The following SLC1A1 variants were observed in gnomAD, a reference collection of about 807,000 sequenced individuals.
SLC1A1 encodes excitatory amino acid transporter 3.
In SLC1A1, 43 loss-of-function variants were observed where a neutral mutation model predicts 53.3. That is an observed-to-expected ratio of 0.81 (90% CI 0.63 to 1.04). SLC1A1 has a LOEUF of 1.04. Ranked by LOEUF, SLC1A1 falls within the 50% of genes least tolerant of loss-of-function variation. SLC1A1 has a pLI of 0.00. For missense variants in SLC1A1, 748 were observed against 664.9 expected (o/e 1.12, Z -1.37); for synonymous variants, 307 against 243.2 (o/e 1.26, Z -2.44).
At chr9:4,536,378 C>A (rs138672135) in intron 1 of SLC1A1, among the ~76,000 whole-genome samples, 5,135 of 152,090 alleles carry the variant, frequency 0.034, 147 homozygotes, top group South Asian at 0.055. Flanking sequence ...AAAAAGTGGG[C>A]GAAGGATATG....
intron 11 of SLC1A1, among the ~76,000 whole-genome samples, chr9:4,584,592 A>AT: frequency 6.6e-6 from 1 of 152,232 alleles, no homozygotes; most frequent in Admixed American, 6.5e-5. Context: ...TTTTCACAAG[A>AT]TTCCCCCTGC....
rs535918930 is a variant in SLC1A1, at chr9:4,583,231, C to G, written c.1328+59C>G. The G allele has an allele frequency of 3.4e-5, 55 of 1,601,632 alleles. No homozygotes were observed. The highest frequency in any genetic ancestry group is 4.4e-5 in the Non-Finnish European group (52 of 1,169,280). ...TGTGCAGGCGGGCTTCCCAGCCTCG[C>G]AGGCGCTGCAGTCTGTCATCATTCT... On this transcript the variant is annotated intron_variant, in intron 11 of 11. Transcript: ENST00000262352. This position sits in a 1 kb window ranked among gnomAD's most constrained non-coding sequence, Gnocchi z 4.6.
At chr9:4,541,878 C>A (rs1018333282) in intron 1 of SLC1A1, among the ~76,000 whole-genome samples, 14 of 152,160 alleles carry the variant, frequency 9.2e-5, no homozygotes, top group Non-Finnish European at 1.9e-4. Context: ...CTTAATCCAG[C>A]CCAAGGTTCT....
chr9:4,561,460 C>T lies in SLC1A1; in HGVS notation c.244C>T (p.Leu82=). Reference sequence around the variant, plus strand: ...TGTCTCCCCTTCAGGTGTTGCTGCACTGGATTCCAACGTATCCGGAAAAAT... The same window carrying T: ...TGTCTCCCCTTCAGGTGTTGCTGCATTGGATTCCAACGTATCCGGAAAAAT... ...ISSMITGVAA[L]DSNVSGKIGL... The change falls in exon 3 of 12, where the codon CTG becomes TTG. Residue 82 remains leucine, a synonymous_variant. Transcript: ENST00000262352. 4 of 1,603,068 alleles carry T rather than the reference C, an allele frequency of 2.5e-6. No individual in the cohort carries two copies. Among genetic ancestry groups the T allele is most frequent in the Non-Finnish European group, 3.4e-6 (4 of 1,169,954 alleles).
At chr9:4,521,887 T>C (rs1265796731) in intron 1 of SLC1A1, among the ~76,000 whole-genome samples, 1 of 152,138 alleles carries the variant, frequency 6.6e-6, no homozygotes, top group African/African-American at 2.4e-5. Flanking sequence ...GATTGAACCA[T>C]ACCTTAGTGT....
intron 1 of SLC1A1, among the ~76,000 whole-genome samples, chr9:4,502,352 A>T (rs868195563): frequency 8.1e-6 from 1 of 123,374 alleles, no homozygotes; most frequent in Non-Finnish European, 1.6e-5. Context: ...ACACCACAGC[A>T]CTCCTGCCCG....
intron 3 of SLC1A1, among the ~76,000 whole-genome samples, chr9:4,561,982 T>C (rs1209010716): frequency 6.6e-6 from 1 of 151,982 alleles, no homozygotes; most frequent in Non-Finnish European, 1.5e-5. Flanking sequence ...GGTCTTGAAC[T>C]CTTGGGCTCA....
intron 1 of SLC1A1, among the ~76,000 whole-genome samples, chr9:4,497,462 T>C (rs969659133): frequency 2.0e-5 from 3 of 152,222 alleles, no homozygotes; most frequent in Non-Finnish European, 4.4e-5. Context: ...CCATAGTACC[T>C]ATCACATTGC....
At chr9:4,516,026 C>G (rs1383194888) in intron 1 of SLC1A1, among the ~76,000 whole-genome samples, 1 of 152,186 alleles carries the variant, frequency 6.6e-6, no homozygotes, top group Non-Finnish European at 1.5e-5. Flanking sequence ...TAAGCCACAT[C>G]CAAATAATTA....
At chr9:4,580,601 ATGTG>A (rs71326118) in intron 10 of SLC1A1, among the ~76,000 whole-genome samples, 827 of 69,648 alleles carry the variant, frequency 0.012, 10 homozygotes, top group African/African-American at 0.03. Flanking sequence ...AAAAATATAT[ATGTG>A]TGTGTGTGTG....
intron 1 of SLC1A1, among the ~76,000 whole-genome samples, chr9:4,504,053 GCA>G (rs1820722416): frequency 6.6e-6 from 1 of 152,222 alleles, no homozygotes; most frequent in African/African-American, 2.4e-5. Flanking sequence ...TTTATTGTGA[GCA>G]CTGCATGACC....
intron 2 of SLC1A1, among the ~76,000 whole-genome samples, chr9:4,554,869 C>A (rs1157037097): frequency 2.0e-5 from 3 of 152,198 alleles, no homozygotes; most frequent in African/African-American, 7.2e-5. Flanking sequence ...TTGTTGAATA[C>A]CTTCCATCTG....
intron 1 of SLC1A1, among the ~76,000 whole-genome samples, chr9:4,497,154 G>A (rs1043624169): frequency 1.3e-5 from 2 of 152,024 alleles, no homozygotes; most frequent in Admixed American, 6.6e-5. Context: ...TGAGACTTAG[G>A]TGTATCCATT....
intron 10 of SLC1A1, among the ~76,000 whole-genome samples, chr9:4,580,964 G>A (rs1051504344): frequency 1.4e-4 from 22 of 152,182 alleles, no homozygotes; most frequent in Admixed American, 1.0e-3. Context: ...TGTTACATAG[G>A]TATACGTGTG....
chr9:4,544,401 CTT>C (rs1445818967), intron 1 of SLC1A1, among the ~76,000 whole-genome samples, 164 bp from the exon 2 acceptor site: 1 of 152,092 alleles, frequency 6.6e-6, no homozygotes, highest in Admixed American at 6.5e-5. Context: ...TGTTCACTGT[CTT>C]TTAAAATATA....
At chr9:4,514,834 G>A (rs1167431751) in intron 1 of SLC1A1, among the ~76,000 whole-genome samples, 1 of 152,148 alleles carries the variant, frequency 6.6e-6, no homozygotes, top group Non-Finnish European at 1.5e-5. Flanking sequence ...GGAAGTTGAT[G>A]AAGTAGCCTT....
intron 1 of SLC1A1, among the ~76,000 whole-genome samples, chr9:4,523,346 CCTTTT>C (rs1816151146): frequency 6.7e-6 from 1 of 148,882 alleles, no homozygotes; most frequent in Non-Finnish European, 1.5e-5. Flanking sequence ...ATACCAAATG[CCTTTT>C]CTTTTTTTTT....
At chr9:4,570,664 C>G (rs1038561819) in intron 6 of SLC1A1, among the ~76,000 whole-genome samples, 3 of 152,192 alleles carry the variant, frequency 2.0e-5, no homozygotes, top group Non-Finnish European at 4.4e-5. Context: ...AGCCACCGCA[C>G]CCAGCTAACA....
chr9:4,568,569 A>G (rs1344605474), intron 6 of SLC1A1, among the ~76,000 whole-genome samples: 1 of 151,942 alleles, frequency 6.6e-6, no homozygotes, highest in Non-Finnish European at 1.5e-5. Context: ...AAACATTTTA[A>G]TATTACCCAG....
Sources: allele counts gnomAD v4.1 joint callset (sites outside exome capture counted in the v4.1 genomes callset), GRCh38; gene constraint gnomAD v4.1.1; non-coding constraint Gnocchi (gnomAD v3.1); transcripts MANE v1.5; gene names NCBI Gene and HGNC (gene_info 2026-07-23, HGNC 2026-07-21).